RAB40B: variants seen among roughly 807,000 people sequenced by gnomAD.
RAB40B encodes ras-related protein Rab-40B.
Under a neutral mutation model 24.0 loss-of-function variants are expected in RAB40B, and 21 were observed. That is an observed-to-expected ratio of 0.88 (90% confidence interval 0.62 to 1.26). The LOEUF is 1.26. Ranked by LOEUF, RAB40B falls within the 50% of genes most tolerant of loss-of-function variation. The pLI, the probability that RAB40B is intolerant of heterozygous loss-of-function variation, is 0.00. For synonymous variants in RAB40B, 167 were observed against 169.8 expected (o/e 0.98, Z 0.13); for missense variants, 348 against 390.5 (o/e 0.89, Z 0.92).
intron 1 of RAB40B, among the ~76,000 whole-genome samples, chr17:82,680,674 T>A (rs769333212): frequency 2.3e-4 from 35 of 152,230 alleles, no homozygotes; most frequent in Non-Finnish European, 3.7e-4. Context: ...GTAATACCTA[T>A]AATGATATAT....
In RAB40B at chr17:82,675,100, C is replaced by T. The variant is rs547847152; in HGVS notation, c.143-10544G>A. 6.6e-6 allele frequency among the ~76,000 whole-genome samples: 1 copy of T among 152,306 alleles called. No homozygotes were observed. Among genetic ancestry groups the T allele is most frequent in the East Asian group, 1.9e-4 (1 of 5,190 alleles). On this transcript the variant is annotated intron_variant, in intron 1 of 5. Coordinates refer to ENST00000571995, the MANE Select transcript of RAB40B (RefSeq NM_006822.3). This position sits in a 1 kb window ranked among gnomAD's most constrained non-coding sequence, Gnocchi z 4.5. The stretch of plus-strand genomic sequence containing the variant: ...AGAGAGAGAAAACATCTGACACCCC[C>T]TAAACTGGGAAAAGCTACAAAGGAT...
At chr17:82,664,379 G>A (rs1417422685) in intron 2 of RAB40B, 117 bp downstream of exon 2, 6 of 996,994 alleles carry the variant, frequency 6.0e-6, no homozygotes, top group Non-Finnish European at 9.1e-6. Flanking sequence ...GGGGCGCTGT[G>A]CCGATGGTGG....
chr17:82,670,692 G>A (rs1174325224), intron 1 of RAB40B, among the ~76,000 whole-genome samples: 1 of 151,718 alleles, frequency 6.6e-6, no homozygotes, highest in African/African-American at 2.4e-5. Context: ...CCACCACCAC[G>A]CCCGGCTCAT....
chr17:82,659,546 A>C (rs773336240), intron 4 of RAB40B, 34 bp downstream of exon 4: 40 of 1,602,104 alleles, frequency 2.5e-5, no homozygotes, highest in Non-Finnish European at 3.3e-5. Flanking sequence ...CCAAGCCTAC[A>C]GGGATCTTGG....
chr17:82,691,005 C>T (rs902015752), intron 1 of RAB40B, among the ~76,000 whole-genome samples: 4 of 152,188 alleles, frequency 2.6e-5, no homozygotes, highest in Non-Finnish European at 4.4e-5. Context: ...TGCTCGTCTC[C>T]GGGAAGAAAA....
intron 1 of RAB40B, among the ~76,000 whole-genome samples, chr17:82,674,303 C>T (rs1469815083): frequency 6.7e-6 from 1 of 150,116 alleles, no homozygotes; most frequent in Non-Finnish European, 1.5e-5. Flanking sequence ...CGCGCCATTG[C>T]ACTCCAGCCT....
At chr17:82,673,260 T>C (rs1299559347) in intron 1 of RAB40B, among the ~76,000 whole-genome samples, 1 of 152,176 alleles carries the variant, frequency 6.6e-6, no homozygotes, top group African/African-American at 2.4e-5. Context: ...ACTTGTTCAG[T>C]TTTCTCTGCA....
chr17:82,658,773 G>C (rs578213424), intron 4 of RAB40B, 60 bp from the exon 5 acceptor site: 2 of 1,466,678 alleles, frequency 1.4e-6, no homozygotes, highest in East Asian at 2.3e-5. Flanking sequence ...TGTTGTCGTC[G>C]TAATGTGGGT....
intron 1 of RAB40B, among the ~76,000 whole-genome samples, chr17:82,684,196 G>C (rs1038888829): frequency 3.4e-5 from 5 of 145,520 alleles, no homozygotes; most frequent in African/African-American, 1.3e-4. Context: ...ACTCTAGCCT[G>C]GGTGAGAGAG....
chr17:82,655,314 C>T lies in RAB40B; in HGVS notation c.*2549G>A, dbSNP rs2046079693. 6.6e-6 allele frequency: 1 copy of T among 152,144 alleles called. No homozygotes were observed. Among genetic ancestry groups the T allele is most frequent in the Admixed American group, 6.5e-5 (1 of 15,272 alleles). The allele number at this position is 152,144 out of a possible 1,614,324, so 9.4% of individuals were successfully genotyped here. On this transcript the variant is annotated 3_prime_UTR_variant, in exon 6 of 6. Coordinates refer to ENST00000571995, the MANE Select transcript of RAB40B (RefSeq NM_006822.3). ...TTCTGGGGACTTCTGGTGGTGTTTC[C>T]CTGGAGGGCCAAGGCCTCCGGGCGG...
chr17:82,674,637 T>TAA (rs34107818), intron 1 of RAB40B, among the ~76,000 whole-genome samples: 11 of 143,730 alleles, frequency 7.7e-5, no homozygotes, highest in African/African-American at 1.6e-4. Flanking sequence ...AGACTCGTCT[T>TAA]AAAAAAAAAA....
At chr17:82,672,888 TTTG>T (rs1252285427) in intron 1 of RAB40B, among the ~76,000 whole-genome samples, 1 of 152,210 alleles carries the variant, frequency 6.6e-6, no homozygotes, top group Non-Finnish European at 1.5e-5. Context: ...TGTACGAATT[TTTG>T]TTTCTACTGG....
At chr17:82,694,082 CAAAA>C (rs34066713) in intron 1 of RAB40B, among the ~76,000 whole-genome samples, 1 of 118,862 alleles carries the variant, frequency 8.4e-6, no homozygotes. Flanking sequence ...GACTCCATCT[CAAAA>C]AAAAAAAAAA....
At chr17:82,673,621 A>G (rs1212239213) in intron 1 of RAB40B, among the ~76,000 whole-genome samples, 1 of 152,230 alleles carries the variant, frequency 6.6e-6, no homozygotes, top group Non-Finnish European at 1.5e-5. Context: ...AAACACGTTC[A>G]GTCATTCCAG....
At chr17:82,674,365 T>C (rs550559971) in intron 1 of RAB40B, among the ~76,000 whole-genome samples, 67 of 120,976 alleles carry the variant, frequency 5.5e-4, no homozygotes, top group Middle Eastern at 8.9e-3. Flanking sequence ...GGCGTGGTGG[T>C]TCACGCCTGT....
At chr17:82,671,441 A>G (rs1318622360) in intron 1 of RAB40B, among the ~76,000 whole-genome samples, 2 of 101,882 alleles carry the variant, frequency 2.0e-5, no homozygotes, top group Non-Finnish European at 3.9e-5. Context: ...CGCTCCCTGT[A>G]CTAACTGACA....
intron 1 of RAB40B, among the ~76,000 whole-genome samples, chr17:82,673,025 G>A (rs1010996337): frequency 1.3e-5 from 2 of 152,148 alleles, no homozygotes; most frequent in Non-Finnish European, 2.9e-5. Context: ...CCAACATGGT[G>A]AAACCTCATC....
rs561170729 is a variant in RAB40B, at chr17:82,667,237, G to T, written c.143-2681C>A. 5.6e-4 allele frequency among the ~76,000 whole-genome samples: 85 copies of T among 152,366 alleles called. No individual in the cohort carries two copies. Among genetic ancestry groups the T allele is most frequent in the African/African-American group, 2.0e-3 (82 of 41,596 alleles). ...CCCCCTGCATCCCAGGAGGCAGTGT[G>T]CCGAGTTCCTGGTCTCCTGTCGGGC... On this transcript the variant is annotated intron_variant, in intron 1 of 5. Transcript: ENST00000571995. The surrounding 1 kb of genome is among the most constrained non-coding windows in gnomAD (Gnocchi z 4.3).
chr17:82,683,267 T>C (rs1389637034), intron 1 of RAB40B, among the ~76,000 whole-genome samples: 13 of 152,206 alleles, frequency 8.5e-5, no homozygotes, highest in Admixed American at 8.5e-4. Context: ...CAAAGATTTC[T>C]TAGATATGAC....
Sources: gnomAD v4.1 joint callset for allele counts (sites outside exome capture counted in the v4.1 genomes callset) on GRCh38, gnomAD v4.1.1 for gene constraint, Gnocchi (gnomAD v3.1) non-coding constraint, MANE v1.5 for transcripts, NCBI Gene and HGNC (gene_info 2026-07-23, HGNC 2026-07-21) for gene names.